Variants in GLIS3 observed in about 807,000 individuals in gnomAD.
GLIS3 encodes the protein zinc finger protein GLIS3.
Under a neutral mutation model 78.6 loss-of-function variants are expected in GLIS3, and 53 were observed. The observed-to-expected ratio is 0.67, with a 90% CI of 0.54 to 0.85. GLIS3 has a LOEUF of 0.85. GLIS3 is among the 40% of genes least tolerant of loss of function. The probability of loss-of-function intolerance (pLI) is 0.00; values close to 1 mark genes in which losing one functional copy is unlikely to be tolerated. For missense variants in GLIS3, 1,703 were observed against 1,231.1 expected (o/e 1.38, Z -5.74); for synonymous variants, 684 against 509.9 (o/e 1.34, Z -4.60).
the GLIS3 span, among the ~76,000 whole-genome samples, chr9:4,448,537 G>C: frequency 6.6e-6 from 1 of 152,326 alleles, no homozygotes; most frequent in African/African-American, 2.4e-5. Flanking sequence ...TCTGCACATT[G>C]TTGTTGTCAT....
At chr9:4,001,813 G>C (rs1259202788) in intron 4 of GLIS3, among the ~76,000 whole-genome samples, 1 of 152,154 alleles carries the variant, frequency 6.6e-6, no homozygotes, top group Non-Finnish European at 1.5e-5. Flanking sequence ...TGTACAATGT[G>C]GTTATGCCAT....
At chr9:3,939,236 G>C (rs1034735695) in intron 4 of GLIS3, among the ~76,000 whole-genome samples, 2 of 152,180 alleles carry the variant, frequency 1.3e-5, no homozygotes, top group Non-Finnish European at 2.9e-5. Flanking sequence ...GATGAGAGCG[G>C]AGAACTACTT....
intron 4 of GLIS3, among the ~76,000 whole-genome samples, chr9:3,990,174 G>C (rs1820110821): frequency 6.6e-6 from 1 of 152,186 alleles, no homozygotes; most frequent in African/African-American, 2.4e-5. Flanking sequence ...AATGTGGAAA[G>C]AGCCGAGGGC....
the GLIS3 span, among the ~76,000 whole-genome samples, chr9:4,408,593 G>A: frequency 2.0e-5 from 3 of 149,416 alleles, no homozygotes; most frequent in Non-Finnish European, 3.0e-5. Flanking sequence ...CGGGCGCGGT[G>A]GCGGGCGCCT....
At chr9:4,205,838 G>T (rs1199744304) in intron 2 of GLIS3, among the ~76,000 whole-genome samples, 2 of 152,202 alleles carry the variant, frequency 1.3e-5, no homozygotes, top group African/African-American at 4.8e-5. Context: ...AGTTTCAAGG[G>T]ATAGGTAGAC....
At chr9:4,282,951 T>G (rs529572726) in intron 2 of GLIS3, among the ~76,000 whole-genome samples, 3 of 152,104 alleles carry the variant, frequency 2.0e-5, no homozygotes, top group African/African-American at 7.2e-5. Context: ...CTGTTTTCTG[T>G]ACCCCTACCT....
At chr9:4,181,103 C>T (rs919696502) in intron 2 of GLIS3, among the ~76,000 whole-genome samples, 1 of 152,228 alleles carries the variant, frequency 6.6e-6, no homozygotes, top group Non-Finnish European at 1.5e-5. Flanking sequence ...AGATGCCTGG[C>T]AGCCAGCCAG....
chr9:4,427,461 G>A, the GLIS3 span, among the ~76,000 whole-genome samples: 2 of 152,140 alleles, frequency 1.3e-5, no homozygotes, highest in African/African-American at 4.8e-5. Context: ...CACCCAGGAT[G>A]TATACACACT....
chr9:4,080,967 A>T (rs1828512720), intron 4 of GLIS3, among the ~76,000 whole-genome samples: 1 of 152,184 alleles, frequency 6.6e-6, no homozygotes, highest in African/African-American at 2.4e-5. Flanking sequence ...AACTTGCAGC[A>T]ACACAGGGCA....
At chr9:4,285,810 GTT>G (rs1827939286) in intron 2 of GLIS3, 2 of 579,894 alleles carry the variant, frequency 3.4e-6, no homozygotes, top group East Asian at 5.9e-5. Flanking sequence ...CTGTTACTCT[GTT>G]TCACAGTCCC....
chr9:4,051,233 C>T lies in GLIS3; in HGVS notation c.1710+66535G>A, dbSNP rs375143525. On this transcript the variant is annotated intron_variant, in intron 4 of 10. Transcript: ENST00000381971. ...ATGAGGAAATTCAAACATGGCTTAA[C>T]AAGACATTCAATTGCTTATTTCGAA... Among the ~76,000 whole-genome samples the T allele has an allele frequency of 1.2e-3, 182 of 152,220 alleles. 1 individual carries two copies. Among genetic ancestry groups the T allele is most frequent in the African/African-American group, 4.0e-3 (165 of 41,526 alleles).
chr9:4,173,915 C>T, intron 2 of GLIS3, among the ~76,000 whole-genome samples: 1 of 51,878 alleles, frequency 1.9e-5, no homozygotes, highest in East Asian at 7.4e-4. Flanking sequence ...CCAGTTAAAA[C>T]ACACACACAC....
At chr9:4,003,532 T>C (rs977678376) in intron 4 of GLIS3, among the ~76,000 whole-genome samples, 1 of 152,184 alleles carries the variant, frequency 6.6e-6, no homozygotes, top group Non-Finnish European at 1.5e-5. Context: ...AAATACACAC[T>C]GAAGAACCGT....
intron 2 of GLIS3, among the ~76,000 whole-genome samples, chr9:4,342,075 T>G (rs1451787251): frequency 6.6e-6 from 1 of 152,248 alleles, no homozygotes; most frequent in African/African-American, 2.4e-5. Context: ...GATAGTTTCT[T>G]TTGCTGTGCA....
Position 3,918,560 on chromosome 9 carries a change from TG to T in GLIS3, c.1983+13799del, listed in dbSNP as rs577311716. On this transcript the variant is annotated intron_variant, in intron 6 of 10. Transcript: ENST00000381971. The stretch of plus-strand genomic sequence containing the variant: ...CTGGCATAAGAAAATGATGATACTC[TG>T]GCTATCACTATTACTATAAATAATA... Among the ~76,000 whole-genome samples, 24 of 152,314 alleles carry T rather than the reference TG, an allele frequency of 1.6e-4. No individual in the cohort carries two copies. The East Asian group carries it at 3.5e-3, about 22-fold the overall frequency.
chr9:4,163,973 C>T (rs536531395), intron 2 of GLIS3, among the ~76,000 whole-genome samples: 6 of 152,332 alleles, frequency 3.9e-5, no homozygotes, highest in African/African-American at 1.4e-4. Context: ...TACCATGGTA[C>T]AGTGATTTCC....
chr9:4,283,683 G>A (rs1827752587), intron 2 of GLIS3, among the ~76,000 whole-genome samples: 1 of 152,118 alleles, frequency 6.6e-6, no homozygotes, highest in Non-Finnish European at 1.5e-5. Flanking sequence ...CATAATATAT[G>A]CTCAATAATT....
intron 4 of GLIS3, among the ~76,000 whole-genome samples, chr9:4,090,454 TAA>T (rs1554693489): frequency 6.9e-6 from 1 of 143,980 alleles, no homozygotes; most frequent in African/African-American, 2.6e-5. Context: ...ACTTAAAGTT[TAA>T]AAAAAAAAAA....
At chr9:3,844,568 G>C (rs1336482610) in intron 9 of GLIS3, among the ~76,000 whole-genome samples, 1 of 152,148 alleles carries the variant, frequency 6.6e-6, no homozygotes, top group Non-Finnish European at 1.5e-5. Context: ...ACTTTCTATA[G>C]GCATTTTTAA....
Sources: gnomAD v4.1 joint callset for allele counts (sites outside exome capture counted in the v4.1 genomes callset) on GRCh38, gnomAD v4.1.1 for gene constraint, MANE v1.5 for transcripts, NCBI Gene and HGNC (gene_info 2026-07-23, HGNC 2026-07-21) for gene names.